The following TRAK1 variants were observed in gnomAD, a reference collection of about 807,000 sequenced individuals.
TRAK1 encodes the protein trafficking kinesin-binding protein 1.
TRAK1 carries 33 observed loss-of-function variants against 92.1 expected under a neutral mutation model. The observed-to-expected ratio is 0.36, with a 90% CI of 0.27 to 0.48. The LOEUF is 0.48. Ranked by LOEUF, TRAK1 falls within the 20% of genes least tolerant of loss-of-function variation. The pLI is 0.99. For missense variants in TRAK1, 1,123 were observed against 1,257.9 expected (o/e 0.89, Z 1.62); for synonymous variants, 521 against 517.3 (o/e 1.01, Z -0.10).
Position 42,223,884 on chromosome 3 carries a change from A to C in TRAK1, c.*147A>C, listed in dbSNP as rs1327588706. The C allele has an allele frequency of 3.3e-6, 3 of 913,606 alleles. No individual in the cohort carries two copies. The Admixed American group carries it at 8.1e-5, about 25-fold the overall frequency. 56.6% of individuals were successfully genotyped at this position (913,606 alleles called of 1,614,324 possible). ...AGCTAGACAAATCAACCTCGTGCCT[A>C]ATGGAGGAAGTGTGGAAACTTTGTA... On this transcript the variant is annotated 3_prime_UTR_variant, in exon 16 of 16. Transcript: ENST00000327628. The surrounding 1 kb of genome is among the most constrained non-coding windows in gnomAD (Gnocchi z 6.1).
At chr3:42,137,732 C>G (rs968754225) in intron 2 of TRAK1, among the ~76,000 whole-genome samples, 2 of 152,106 alleles carry the variant, frequency 1.3e-5, no homozygotes, top group Non-Finnish European at 2.9e-5. Context: ...GGTAACGCTG[C>G]TTTATAGTGA....
chr3:42,085,049 C>G (rs534013014), upstream of TRAK1, among the ~76,000 whole-genome samples: 1 of 151,934 alleles, frequency 6.6e-6, no homozygotes, highest in Non-Finnish European at 1.5e-5. Context: ...TGAAACTTTT[C>G]GAGTGTTTAC....
chr3:42,202,828 C>T lies in TRAK1; in HGVS notation c.1744+76C>T, dbSNP rs1021178603. The T allele has an allele frequency of 3.8e-6, 6 of 1,584,674 alleles. No homozygotes were observed. The highest frequency in any genetic ancestry group is 1.1e-5 in the South Asian group (1 of 89,242). On this transcript the variant is annotated intron_variant, in intron 13 of 15. Coordinates refer to ENST00000327628, the MANE Select transcript of TRAK1 (RefSeq NM_001042646.3). This position sits in a 1 kb window ranked among gnomAD's most constrained non-coding sequence, Gnocchi z 6.1. ...TGGTCCCTGATCCACCTGCGGAAGGCGGGGCACCTCTGTCACGCCTACTCC... is the reference window on the plus strand; with the variant it reads ...TGGTCCCTGATCCACCTGCGGAAGGTGGGGCACCTCTGTCACGCCTACTCC...
intron 10 of TRAK1, among the ~76,000 whole-genome samples, chr3:42,196,991 C>T (rs1217050754): frequency 1.1e-5 from 1 of 88,606 alleles, no homozygotes; most frequent in Non-Finnish European, 2.2e-5. Flanking sequence ...CTTTCTCTCT[C>T]TCTCTCTCTC....
chr3:42,145,837 A>G (rs895099337), intron 2 of TRAK1: 6 of 244,362 alleles, frequency 2.5e-5, no homozygotes, highest in Non-Finnish European at 4.8e-5. Flanking sequence ...GAAAGAACAC[A>G]CTCGAGGTAC....
chr3:42,153,266 T>C (rs1193883887), intron 2 of TRAK1, among the ~76,000 whole-genome samples: 1 of 151,980 alleles, frequency 6.6e-6, no homozygotes, highest in Admixed American at 6.6e-5. Flanking sequence ...TAGCTGAATG[T>C]GGTGGCATGC....
chr3:42,176,306 G>A (rs528996314), intron 2 of TRAK1, among the ~76,000 whole-genome samples: 19 of 152,164 alleles, frequency 1.2e-4, no homozygotes, highest in Non-Finnish European at 2.4e-4. Context: ...TGAGGAGGAG[G>A]GGGCTATGCC....
chr3:42,217,486 C>T (rs924015606), intron 14 of TRAK1: 6 of 985,260 alleles, frequency 6.1e-6, no homozygotes, highest in Non-Finnish European at 7.2e-6. Context: ...TCTGCTGATG[C>T]AACTACGTCT....
chr3:42,146,169 A>T, intron 2 of TRAK1: 1 of 355,354 alleles, frequency 2.8e-6, no homozygotes, highest in South Asian at 3.1e-5. Flanking sequence ...CTCAACAAGG[A>T]GGAAAAAATA....
intron 2 of TRAK1, among the ~76,000 whole-genome samples, chr3:42,133,641 A>G (rs754466403): frequency 3.0e-4 from 46 of 152,182 alleles, no homozygotes; most frequent in Non-Finnish European, 5.9e-4. Context: ...GCTTTCATCA[A>G]TCTTTATTTG....
intron 1 of TRAK1, among the ~76,000 whole-genome samples, chr3:42,122,642 A>G (rs1710037125): frequency 6.6e-6 from 1 of 152,154 alleles, no homozygotes. Flanking sequence ...ACTTCATGGG[A>G]ACTCACTCTT....
Position 42,202,560 on chromosome 3 carries a change from G to A in TRAK1, c.1552G>A (p.Glu518Lys), listed in dbSNP as rs1483898266. ...CCTCTCGGAGAGGAGGTTCTTTGAG[G>A]AGGAGCAAGAGAGGAAGCTCCAGGA... ...NYLSERRFFE[E>K]EQERKLQELA... The change falls in exon 13 of 16, where the codon GAG (glutamate) becomes AAG (lysine). Residue 518 changes from glutamate to lysine, a missense_variant. Physicochemically the swap from Glu to Lys is moderately conservative, Grantham distance 56. This residue lies in a region of TRAK1 where 686 missense variants were observed against 747.6 expected (regional missense o/e 0.92). Transcript: ENST00000327628. The surrounding 1 kb of genome is among the most constrained non-coding windows in gnomAD (Gnocchi z 6.1). The A allele has an allele frequency of 6.3e-7, 1 of 1,579,974 alleles. No homozygotes were observed.
chr3:42,152,164 TG>T (rs1418604791), intron 2 of TRAK1, among the ~76,000 whole-genome samples: 1 of 152,186 alleles, frequency 6.6e-6, no homozygotes, highest in Non-Finnish European at 1.5e-5. Context: ...ATGTTTGTTG[TG>T]GGGGTCTTCT....
intron 2 of TRAK1, among the ~76,000 whole-genome samples, chr3:42,141,624 G>C (rs1280405738): frequency 4.6e-5 from 7 of 152,166 alleles, no homozygotes; most frequent in Non-Finnish European, 8.8e-5. Flanking sequence ...GACACTCTGA[G>C]GGAGAATCTG....
chr3:42,073,897 G>A (rs928278860), intron 1 of TRAK1, among the ~76,000 whole-genome samples: 1 of 152,110 alleles, frequency 6.6e-6, no homozygotes, highest in African/African-American at 2.4e-5. Context: ...ACTTGACCCC[G>A]GAGTTCAGAC....
chr3:42,067,194 G>A (rs1245699647), intron 1 of TRAK1, among the ~76,000 whole-genome samples: 1 of 152,140 alleles, frequency 6.6e-6, no homozygotes, highest in East Asian at 1.9e-4. Context: ...CCTCTCTAGG[G>A]ATTATTTAGA....
Position 42,181,890 on chromosome 3 carries a change from C to T in TRAK1, c.364-2795C>T, listed in dbSNP as rs545931106. ...CTCACACAGTTCTTTGAATCCTTTC[C>T]TCTAGGTACCTAATAAGCACAGCTG... is the stretch of plus-strand genomic sequence containing the variant. On this transcript the variant is annotated intron_variant, in intron 3 of 15. Transcript: ENST00000327628. 5.3e-5 allele frequency among the ~76,000 whole-genome samples: 8 copies of T among 152,050 alleles called. No individual in the cohort carries two copies. In the South Asian group the frequency reaches 1.7e-3, roughly 32 times the overall value.
chr3:42,179,591 G>A (rs753669176), intron 3 of TRAK1, among the ~76,000 whole-genome samples: 11 of 152,206 alleles, frequency 7.2e-5, no homozygotes, highest in Non-Finnish European at 1.5e-4. Flanking sequence ...AATGAGATGA[G>A]TCAGTTGCTA....
Position 42,091,450 on chromosome 3 carries a change from T to C in TRAK1, c.-20T>C. The C allele has an allele frequency of 1.2e-6, 2 of 1,612,298 alleles. No homozygotes were observed. The highest frequency in any genetic ancestry group is 1.7e-6 in the Non-Finnish European group (2 of 1,179,078). The stretch of plus-strand genomic sequence containing the variant: ...GGCTCTCTCTGTTCTCTGAAGTGCC[T>C]TTGGAGTTTATGTCTGCACATGGCA... On this transcript the variant is annotated 5_prime_UTR_variant, in exon 1 of 16. Coordinates refer to ENST00000327628, the MANE Select transcript of TRAK1 (RefSeq NM_001042646.3).
Sources: gnomAD v4.1 joint callset for allele counts (sites outside exome capture counted in the v4.1 genomes callset) on GRCh38, gnomAD v4.1.1 for gene constraint, gnomAD v4.1.1 regional missense constraint, Gnocchi (gnomAD v3.1) non-coding constraint, MANE v1.5 for transcripts, NCBI Gene and HGNC (gene_info 2026-07-23, HGNC 2026-07-21) for gene names.